The following FSD1L variants were observed in gnomAD, a reference collection of about 807,000 sequenced individuals.
The protein encoded by FSD1L is fibronectin type III and SPRY domain containing 1 like.
A neutral mutation model predicts 71.6 loss-of-function variants in FSD1L; 45 were observed. The observed-to-expected ratio is 0.63, with a 90% CI of 0.49 to 0.81. The LOEUF (loss-of-function observed/expected upper bound fraction) is 0.81. FSD1L is among the 30% of genes least tolerant of loss of function. FSD1L has a pLI of 0.00. For missense variants in FSD1L, 561 were observed against 618.1 expected, an observed-to-expected ratio of 0.91 and a Z score of 0.98; for synonymous variants, 197 against 207.2, an observed-to-expected ratio of 0.95 and a Z score of 0.42.
intron 4 of FSD1L, among the ~76,000 whole-genome samples, chr9:105,471,053 G>T (rs1417561295): frequency 6.6e-6 from 1 of 152,072 alleles, no homozygotes; most frequent in Non-Finnish European, 1.5e-5. Flanking sequence ...TACCAGAGCA[G>T]CTCTAATTGT....
At chr9:105,522,864 C>T (rs2131426890) in intron 10 of FSD1L, 1 of 1,607,844 alleles carries the variant, frequency 6.2e-7, no homozygotes, top group African/African-American at 1.3e-5. Context: ...TCCCAAAGAC[C>T]TCCCTGATAT....
At chr9:105,509,252 A>G (rs915952807) in intron 9 of FSD1L, among the ~76,000 whole-genome samples, 1 of 152,230 alleles carries the variant, frequency 6.6e-6, no homozygotes, top group Non-Finnish European at 1.5e-5. Context: ...GTTTTCATAT[A>G]TTAAATGACT....
intron 10 of FSD1L, among the ~76,000 whole-genome samples, chr9:105,519,818 G>A (rs1316212945): frequency 6.6e-6 from 1 of 152,112 alleles, no homozygotes; most frequent in Non-Finnish European, 1.5e-5. Flanking sequence ...CTGTGGCGGC[G>A]AGCGGCGGCC....
intron 3 of FSD1L, among the ~76,000 whole-genome samples, chr9:105,467,083 G>C (rs1831132155): frequency 6.6e-6 from 1 of 152,090 alleles, no homozygotes; most frequent in African/African-American, 2.4e-5. Flanking sequence ...CTTGTATAAG[G>C]TCATGCTGTT....
At chr9:105,536,025 T>C (rs1223256145) in intron 12 of FSD1L, among the ~76,000 whole-genome samples, 2 of 152,180 alleles carry the variant, frequency 1.3e-5, no homozygotes, top group African/African-American at 4.8e-5. Flanking sequence ...CTTACAAAAT[T>C]ATTAACACAG....
chr9:105,453,023 C>T (rs1266087546), intron 1 of FSD1L, among the ~76,000 whole-genome samples: 1 of 147,922 alleles, frequency 6.8e-6, no homozygotes, highest in East Asian at 2.0e-4. Flanking sequence ...AGGTATGAGC[C>T]ATCACGTCTG....
rs147009496 is a variant in FSD1L, at chr9:105,482,768, A to G, written c.465-1613A>G. 5.1e-3 allele frequency among the ~76,000 whole-genome samples: 770 copies of G among 152,268 alleles called. 6 individuals are homozygous for G. The highest frequency in any genetic ancestry group is 0.014 in the African/African-American group (581 of 41,562). On this transcript the variant is annotated intron_variant, in intron 6 of 13. Transcript: ENST00000481272. ...TTTGATAAGCCTTTCTAATGCATTTATGGGGCATATTCTTTTTCTTTGATG... is the reference window on the plus strand; with the variant it reads ...TTTGATAAGCCTTTCTAATGCATTTGTGGGGCATATTCTTTTTCTTTGATG...
intron 7 of FSD1L, among the ~76,000 whole-genome samples, chr9:105,497,629 A>G (rs988099464): frequency 6.6e-6 from 1 of 152,122 alleles, no homozygotes; most frequent in Non-Finnish European, 1.5e-5. Context: ...TGGGTTATCA[A>G]ATTTGTGGAC....
intron 12 of FSD1L, among the ~76,000 whole-genome samples, chr9:105,536,549 C>T (rs1836274883): frequency 6.6e-6 from 1 of 152,132 alleles, no homozygotes. Context: ...TTGTAGCTAC[C>T]CTAATCCATT....
At chr9:105,465,264 T>A (rs1002956610) in intron 3 of FSD1L, among the ~76,000 whole-genome samples, 2 of 152,170 alleles carry the variant, frequency 1.3e-5, no homozygotes, top group South Asian at 4.1e-4. Context: ...GAATCCACAG[T>A]GAAGTCTCCC....
intron 2 of FSD1L, among the ~76,000 whole-genome samples, chr9:105,462,815 TC>T (rs1588931367): frequency 2.6e-5 from 2 of 78,046 alleles, no homozygotes; most frequent in East Asian, 9.2e-4. Flanking sequence ...CATGCTTTTT[TC>T]ACTACTACAA....
At position 105,484,294 on chromosome 9, in the gene FSD1L, A is replaced by G. The variant is rs1731411761; in HGVS notation, c.465-87A>G. On this transcript the variant is annotated intron_variant, in intron 6 of 13. Coordinates refer to ENST00000481272, the MANE Select transcript of FSD1L (RefSeq NM_001145313.3). ...TATAGTCTCTGAAATTATTAGTGAT[A>G]TAATTTGTCTTTTCATTTTATAAAT... The G allele has an allele frequency of 3.1e-6, 3 of 972,640 alleles. No homozygotes were observed. In the Admixed American group the frequency reaches 1.2e-4, roughly 39 times the overall value. The allele number at this position is 972,640 out of a possible 1,614,324, so 60.3% of individuals were successfully genotyped here. A position where few individuals can be genotyped will look rare whatever the true frequency, so the allele number is the denominator to read the frequency against.
intron 7 of FSD1L, among the ~76,000 whole-genome samples, chr9:105,492,141 G>C (rs1832988101): frequency 6.6e-6 from 1 of 152,084 alleles, no homozygotes; most frequent in Admixed American, 6.5e-5. Flanking sequence ...ACTCTTTTTG[G>C]TTGGTAAGCT....
chr9:105,547,325 CTG>C lies in FSD1L; in HGVS notation c.*843_*844del, dbSNP rs1837063481. 1 of 152,316 alleles carries C rather than the reference CTG, an allele frequency of 6.6e-6. No homozygotes were observed. Among genetic ancestry groups the C allele is most frequent in the Non-Finnish European group, 1.5e-5 (1 of 67,904 alleles). 9.4% of individuals were successfully genotyped at this position (152,316 alleles called of 1,614,324 possible). A position where few individuals can be genotyped will look rare whatever the true frequency, so the allele number is the denominator to read the frequency against. ...GTAAAATTCCCACTTGAATGTGACA[CTG>C]ATAATAATTATGCTGATTTTTAGCA... On this transcript the variant is annotated 3_prime_UTR_variant, in exon 14 of 14. Transcript: ENST00000481272.
intron 7 of FSD1L, among the ~76,000 whole-genome samples, chr9:105,492,330 G>A (rs1209126011): frequency 6.6e-6 from 1 of 152,114 alleles, no homozygotes; most frequent in African/African-American, 2.4e-5. Flanking sequence ...TATTTCTGTG[G>A]CATCAGTGGT....
At chr9:105,528,638 G>C (rs960057845) in intron 10 of FSD1L, among the ~76,000 whole-genome samples, 3 of 152,252 alleles carry the variant, frequency 2.0e-5, no homozygotes, top group African/African-American at 7.2e-5. Context: ...ACTCAAGATG[G>C]ATTAAAGACT....
chr9:105,530,666 C>T (rs1334829303), intron 10 of FSD1L: 6 of 631,538 alleles, frequency 9.5e-6, no homozygotes, highest in South Asian at 9.3e-5. Flanking sequence ...CATGTTTCCT[C>T]TCAGCAGACA....
At chr9:105,507,617 G>T (rs1834131443) in intron 8 of FSD1L, among the ~76,000 whole-genome samples, 1 of 152,122 alleles carries the variant, frequency 6.6e-6, no homozygotes, top group Non-Finnish European at 1.5e-5. Flanking sequence ...CAAAATGTTT[G>T]TTAGTAATCT....
intron 7 of FSD1L, among the ~76,000 whole-genome samples, chr9:105,486,324 G>C (rs571468085): frequency 6.6e-6 from 1 of 152,096 alleles, no homozygotes; most frequent in African/African-American, 2.4e-5. Flanking sequence ...TTTGATTACC[G>C]TATAATTTAA....
Sources: gnomAD v4.1 joint callset for allele counts (sites outside exome capture counted in the v4.1 genomes callset) on GRCh38, gnomAD v4.1.1 for gene constraint, MANE v1.5 for transcripts, NCBI Gene and HGNC (gene_info 2026-07-23, HGNC 2026-07-21) for gene names.